The following CTNNA3 variants were observed in gnomAD, a reference collection of about 807,000 sequenced individuals.
The protein encoded by CTNNA3 is catenin alpha 3, also known as catenin alpha-3.
A neutral mutation model predicts 95.7 loss-of-function variants in CTNNA3; 76 were observed. The observed-to-expected ratio is 0.79, with a 90% confidence interval of 0.66 to 0.96. CTNNA3 has a LOEUF of 0.96. Ranked by LOEUF, CTNNA3 falls within the 40% of genes least tolerant of loss-of-function variation. The pLI, the probability that CTNNA3 is intolerant of heterozygous loss-of-function variation, is 0.00. For missense variants in CTNNA3, 1,191 were observed against 1,089.8 expected (o/e 1.09, Z -1.31); for synonymous variants, 431 against 374.4 (o/e 1.15, Z -1.74).
At chr10:66,367,673 T>C (rs980346534) in intron 12 of CTNNA3, among the ~76,000 whole-genome samples, 2 of 149,512 alleles carry the variant, frequency 1.3e-5, no homozygotes, top group African/African-American at 4.9e-5. Flanking sequence ...CATAAGCTGA[T>C]AGCAGTGGAA....
intron 15 of CTNNA3, among the ~76,000 whole-genome samples, chr10:66,007,618 T>C (rs1249303606): frequency 1.3e-5 from 2 of 152,108 alleles, no homozygotes; most frequent in East Asian, 1.9e-4. Flanking sequence ...ACTTAAATAT[T>C]TGGACCTGGC....
At chr10:67,732,011 A>C (rs894505133) in intron 1 of CTNNA3, among the ~76,000 whole-genome samples, 8 of 150,734 alleles carry the variant, frequency 5.3e-5, no homozygotes, top group Admixed American at 2.0e-4. Context: ...CGAACACCTA[A>C]CCTTATGATC....
At chr10:66,254,350 T>C (rs899117787) in intron 13 of CTNNA3, among the ~76,000 whole-genome samples, 1 of 152,180 alleles carries the variant, frequency 6.6e-6, no homozygotes, top group African/African-American at 2.4e-5. Context: ...TGTATGCATA[T>C]TGAAACTCAT....
At chr10:67,115,491 T>TA (rs1859133572) in intron 7 of CTNNA3, among the ~76,000 whole-genome samples, 1 of 150,808 alleles carries the variant, frequency 6.6e-6, no homozygotes, top group African/African-American at 2.4e-5. Context: ...AGTATAATAA[T>TA]AATAAAAAAA....
At chr10:66,098,415 C>T (rs770237966) in intron 14 of CTNNA3, among the ~76,000 whole-genome samples, 13 of 151,948 alleles carry the variant, frequency 8.6e-5, no homozygotes, top group Admixed American at 2.0e-4. Context: ...TAAAACCAAA[C>T]GGAAAAGATA....
intron 13 of CTNNA3, among the ~76,000 whole-genome samples, chr10:66,178,440 T>TAC (rs1554880300): frequency 0.027 from 2,871 of 105,612 alleles, 98 homozygotes; most frequent in South Asian, 0.069. Flanking sequence ...TATATATATA[T>TAC]ATACACACAC....
intron 9 of CTNNA3, among the ~76,000 whole-genome samples, chr10:66,761,722 G>A (rs577288152): frequency 1.8e-4 from 28 of 152,160 alleles, no homozygotes; most frequent in African/African-American, 5.8e-4. Flanking sequence ...CCACTTTAAG[G>A]TTAGAAACTA....
intron 12 of CTNNA3, among the ~76,000 whole-genome samples, chr10:66,291,418 A>G (rs2091678703): frequency 6.6e-6 from 1 of 152,138 alleles, no homozygotes; most frequent in African/African-American, 2.4e-5. Context: ...CAAGTTTTCA[A>G]CTGATGTGGA....
chr10:66,034,737 T>A (rs368181462), intron 15 of CTNNA3, among the ~76,000 whole-genome samples: 2 of 152,240 alleles, frequency 1.3e-5, no homozygotes, highest in African/African-American at 4.8e-5. Context: ...GCTACCTGAA[T>A]GAGAAGGGAT....
intron 13 of CTNNA3, among the ~76,000 whole-genome samples, chr10:66,230,421 C>T (rs2089528775): frequency 2.0e-5 from 3 of 151,890 alleles, no homozygotes; most frequent in Non-Finnish European, 2.9e-5. Context: ...TCTAGGTGGG[C>T]ACTGTTGTAT....
intron 13 of CTNNA3, among the ~76,000 whole-genome samples, chr10:66,210,974 CAG>C (rs1295559861): frequency 6.6e-6 from 1 of 152,202 alleles, no homozygotes; most frequent in Non-Finnish European, 1.5e-5. Context: ...TTCCCATAAA[CAG>C]AGAGCTCTCT....
At chr10:67,081,166 T>C (rs925085724) in intron 7 of CTNNA3, among the ~76,000 whole-genome samples, 17 of 152,178 alleles carry the variant, frequency 1.1e-4, no homozygotes, top group African/African-American at 4.1e-4. Flanking sequence ...ATCAATTTGA[T>C]TGCATCTCAA....
At position 66,432,427 on chromosome 10, in the gene CTNNA3, G is replaced by A. The variant is rs1051391775; in HGVS notation, c.1532-53075C>T. ...TAATCCCAACACTTTGGGAAGCCAA[G>A]GCAGGTGGATCACGAGGTCAGGAGA... On this transcript the variant is annotated intron_variant, in intron 11 of 17. Coordinates refer to ENST00000433211, the MANE Select transcript of CTNNA3 (RefSeq NM_013266.4). 3.9e-5 allele frequency among the ~76,000 whole-genome samples: 6 copies of A among 152,266 alleles called. No individual in the cohort carries two copies. The East Asian group carries it at 1.2e-3, about 29-fold the overall frequency.
chr10:66,111,127 T>G (rs190957676), intron 13 of CTNNA3, among the ~76,000 whole-genome samples: 91 of 152,068 alleles, frequency 6.0e-4, no homozygotes, highest in African/African-American at 2.2e-3. Context: ...TGGTAGGAGG[T>G]GATTGGATCA....
At chr10:67,524,288 C>T in intron 4 of CTNNA3, among the ~76,000 whole-genome samples, 1 of 150,784 alleles carries the variant, frequency 6.6e-6, no homozygotes, top group East Asian at 2.0e-4. Context: ...CTGTAGTCCC[C>T]GCGGGAGGCT....
At chr10:66,683,761 T>C (rs1344530748) in intron 9 of CTNNA3, among the ~76,000 whole-genome samples, 1 of 152,114 alleles carries the variant, frequency 6.6e-6, no homozygotes, top group Non-Finnish European at 1.5e-5. Flanking sequence ...GGCAAAATCT[T>C]GAATGACAGC....
At chr10:67,252,114 G>A (rs1866132396) in intron 5 of CTNNA3, among the ~76,000 whole-genome samples, 1 of 151,974 alleles carries the variant, frequency 6.6e-6, no homozygotes, top group Admixed American at 6.6e-5. Context: ...GGGAGGCTGA[G>A]GTGGGAGAAT....
chr10:66,652,097 T>TA (rs59359956), intron 9 of CTNNA3, among the ~76,000 whole-genome samples: 12,821 of 118,904 alleles, frequency 0.11, 710 homozygotes, highest in Non-Finnish European at 0.16. Context: ...CTCAAGGAAC[T>TA]AAAAAAAAAA....
rs941986752 is a variant in CTNNA3, at chr10:66,326,552, T to C, written c.1733-45931A>G. On this transcript the variant is annotated intron_variant, in intron 12 of 17. Transcript: ENST00000433211. Reference sequence around the variant, plus strand: ...TGTATATAAAATGCTGCATAAGTTATAGGAAAATAATACAATGAAGGGTAA... The same window carrying C: ...TGTATATAAAATGCTGCATAAGTTACAGGAAAATAATACAATGAAGGGTAA... Among the ~76,000 whole-genome samples the C allele has an allele frequency of 3.9e-5, 6 of 152,062 alleles. 1 individual carries two copies. Among genetic ancestry groups the C allele is most frequent in the Non-Finnish European group, 8.8e-5 (6 of 67,976 alleles).
Sources: allele counts gnomAD v4.1 joint callset (sites outside exome capture counted in the v4.1 genomes callset), GRCh38; gene constraint gnomAD v4.1.1; transcripts MANE v1.5; gene names NCBI Gene and HGNC (gene_info 2026-07-23, HGNC 2026-07-21).